The following BRINP3 variants were observed in gnomAD, a reference collection of about 807,000 sequenced individuals.
The protein encoded by BRINP3 is BMP/retinoic acid-inducible neural-specific protein 3.
Under a neutral mutation model 71.0 loss-of-function variants are expected in BRINP3, and 19 were observed. The observed-to-expected ratio is 0.27, with a 90% confidence interval of 0.19 to 0.39. The LOEUF (loss-of-function observed/expected upper bound fraction) is 0.39. Ranked by LOEUF, BRINP3 falls within the 10% of genes least tolerant of loss-of-function variation. The pLI is 1.00. For synonymous variants in BRINP3, 380 were observed against 337.7 expected, an observed-to-expected ratio of 1.13 and a Z score of -1.37; for missense variants, 959 against 940.8, an observed-to-expected ratio of 1.02 and a Z score of -0.25.
chr1:190,408,184 G>A (rs1672420597), intron 2 of BRINP3, among the ~76,000 whole-genome samples: 1 of 99,476 alleles, frequency 1.0e-5, no homozygotes, highest in Admixed American at 1.2e-4. Flanking sequence ...ACCACGCCTG[G>A]CTAATTATTT....
chr1:190,130,047 G>A (rs1654407637), intron 7 of BRINP3, among the ~76,000 whole-genome samples: 1 of 151,832 alleles, frequency 6.6e-6, no homozygotes, highest in Non-Finnish European at 1.5e-5. Context: ...ATATATTCAG[G>A]AAAAAATTCT....
chr1:190,375,973 C>T (rs1407477431), intron 2 of BRINP3, among the ~76,000 whole-genome samples: 3 of 151,796 alleles, frequency 2.0e-5, no homozygotes, highest in Non-Finnish European at 4.4e-5. Flanking sequence ...AATCATCAGG[C>T]ATATATATTA....
intron 2 of BRINP3, among the ~76,000 whole-genome samples, chr1:190,295,445 T>G (rs1327419178): frequency 6.6e-6 from 1 of 151,984 alleles, no homozygotes; most frequent in Non-Finnish European, 1.5e-5. Context: ...ACAACTTACA[T>G]GATGCTAGGT....
intron 6 of BRINP3, among the ~76,000 whole-genome samples, chr1:190,220,454 T>G (rs1020888197): frequency 2.0e-5 from 3 of 152,016 alleles, no homozygotes; most frequent in African/African-American, 7.2e-5. Flanking sequence ...GACGGGTTGA[T>G]GGGTGTAGCA....
At chr1:190,321,071 A>G (rs1469663702) in intron 2 of BRINP3, among the ~76,000 whole-genome samples, 2 of 152,100 alleles carry the variant, frequency 1.3e-5, no homozygotes, top group African/African-American at 4.8e-5. Context: ...TGTTAAGAAA[A>G]ATAATGAATG....
At chr1:190,366,721 A>G (rs996430531) in intron 2 of BRINP3, among the ~76,000 whole-genome samples, 1 of 152,202 alleles carries the variant, frequency 6.6e-6, no homozygotes, top group African/African-American at 2.4e-5. Context: ...TCATTGGGTA[A>G]ATACACCCAT....
chr1:190,321,451 A>T (rs939120025), intron 2 of BRINP3, among the ~76,000 whole-genome samples: 4 of 152,172 alleles, frequency 2.6e-5, no homozygotes, highest in Non-Finnish European at 5.9e-5. Context: ...GAAAATTATA[A>T]GATTCTGATT....
At chr1:190,231,985 C>T (rs1658038166) in intron 5 of BRINP3, among the ~76,000 whole-genome samples, 1 of 151,898 alleles carries the variant, frequency 6.6e-6, no homozygotes, top group Non-Finnish European at 1.5e-5. Context: ...TATTAAAAAA[C>T]TGTGATAATT....
intron 2 of BRINP3, among the ~76,000 whole-genome samples, chr1:190,358,751 C>T (rs186085105): frequency 2.6e-5 from 4 of 152,116 alleles, no homozygotes; most frequent in East Asian, 1.9e-4. Context: ...GCAAAGACTT[C>T]GGACCAACCC....
intron 2 of BRINP3, among the ~76,000 whole-genome samples, chr1:190,354,316 A>G (rs1484753797): frequency 6.6e-6 from 1 of 151,948 alleles, no homozygotes; most frequent in Non-Finnish European, 1.5e-5. Context: ...AATAGAAACC[A>G]GGGACTCTTC....
chr1:190,244,239 G>A (rs912048578), intron 4 of BRINP3, among the ~76,000 whole-genome samples: 5 of 151,960 alleles, frequency 3.3e-5, no homozygotes, highest in African/African-American at 1.2e-4. Context: ...TTATAATTGT[G>A]CAAATCCCAC....
At chr1:190,128,104 T>C (rs1654236640) in intron 7 of BRINP3, among the ~76,000 whole-genome samples, 2 of 151,748 alleles carry the variant, frequency 1.3e-5, no homozygotes, top group Non-Finnish European at 2.9e-5. Flanking sequence ...AGATCCCCAG[T>C]AGTCAGTCAA....
chr1:190,393,895 A>T (rs1204636156), intron 2 of BRINP3, among the ~76,000 whole-genome samples: 1 of 151,576 alleles, frequency 6.6e-6, no homozygotes, highest in African/African-American at 2.4e-5. Context: ...CCCTAAAGCT[A>T]AGCCAAGAAA....
At chr1:190,179,516 C>G (rs529567268) in intron 6 of BRINP3, among the ~76,000 whole-genome samples, 1 of 152,182 alleles carries the variant, frequency 6.6e-6, no homozygotes, top group East Asian at 1.9e-4. Flanking sequence ...TCTTGACTTT[C>G]CATTTTTTCT....
At chr1:190,311,394 G>A (rs1665506674) in intron 2 of BRINP3, among the ~76,000 whole-genome samples, 1 of 151,688 alleles carries the variant, frequency 6.6e-6, no homozygotes, top group South Asian at 2.1e-4. Context: ...ATTAGTCCTA[G>A]TGTGAAAGGC....
chr1:190,219,640 C>T (rs1656701741), intron 6 of BRINP3, among the ~76,000 whole-genome samples: 2 of 151,732 alleles, frequency 1.3e-5, no homozygotes, highest in East Asian at 2.0e-4. Context: ...GAGATCGAGA[C>T]CATCCTGGCC....
At chr1:190,151,150 A>G (rs1021863635) in intron 7 of BRINP3, among the ~76,000 whole-genome samples, 2 of 152,176 alleles carry the variant, frequency 1.3e-5, no homozygotes, top group Non-Finnish European at 2.9e-5. Flanking sequence ...CAGTCTCAAA[A>G]AAAAAGAAAA....
intron 2 of BRINP3, among the ~76,000 whole-genome samples, chr1:190,306,715 T>A (rs1665127800): frequency 6.6e-6 from 1 of 151,706 alleles, no homozygotes; most frequent in African/African-American, 2.4e-5. Context: ...GCACAGATAA[T>A]CAAGATTTAT....
At chr1:190,174,027 G>A (rs1278194579) in intron 6 of BRINP3, among the ~76,000 whole-genome samples, 1 of 152,068 alleles carries the variant, frequency 6.6e-6, no homozygotes, top group Admixed American at 6.6e-5. Flanking sequence ...TTGATCTTGT[G>A]GACTTCCTCA....
Sources: allele counts gnomAD v4.1 joint callset (sites outside exome capture counted in the v4.1 genomes callset), GRCh38; gene constraint gnomAD v4.1.1; transcripts MANE v1.5; gene names NCBI Gene and HGNC (gene_info 2026-07-23, HGNC 2026-07-21).